The following TEX14 variants were observed in gnomAD, a reference collection of about 807,000 sequenced individuals.
TEX14 encodes inactive serine/threonine-protein kinase TEX14.
A neutral mutation model predicts 178.6 loss-of-function variants in TEX14; 168 were observed. The observed-to-expected ratio is 0.94, with a 90% CI of 0.83 to 1.07. The LOEUF (loss-of-function observed/expected upper bound fraction) is 1.07. Among genes scored for constraint, TEX14 ranks in the 50% least tolerant of loss-of-function variants. TEX14 has a pLI of 0.00. For missense variants in TEX14, 1,730 were observed against 1,753.6 expected (o/e 0.99, Z 0.24); for synonymous variants, 626 against 634.1 (o/e 0.99, Z 0.19).
intron 6 of TEX14, 38 bp from the exon 7 acceptor site, chr17:58,616,343 G>C (rs2045872739): frequency 1.9e-6 from 3 of 1,601,202 alleles, no homozygotes; most frequent in South Asian, 1.1e-5. Context: ...TGGGGAGAAG[G>C]GGGGAAAAGC....
rs1420938347 is a variant in TEX14, at chr17:58,616,097, C to T, written c.767+78G>A. 2.0e-6 allele frequency: 3 copies of T among 1,470,942 alleles called. No individual in the cohort carries two copies. In the African/African-American group the frequency reaches 4.2e-5, roughly 21 times the overall value. 91.1% of individuals were successfully genotyped at this position (1,470,942 alleles called of 1,614,324 possible). A position where few individuals can be genotyped will look rare whatever the true frequency, so the allele number is the denominator to read the frequency against. ...TCCCTGTGTTTGAGTAGAAACTCCC[C>T]ACACATAAGGAAGTCACATGCAGCC... is the stretch of plus-strand genomic sequence containing the variant. On this transcript the variant is annotated intron_variant, in intron 7 of 31. Transcript: ENST00000349033.
chr17:58,588,477 A>G (rs2045037732), intron 15 of TEX14, among the ~76,000 whole-genome samples: 1 of 151,804 alleles, frequency 6.6e-6, no homozygotes, highest in African/African-American at 2.4e-5. Flanking sequence ...TATTTTTAGT[A>G]GAAAATTATG....
chr17:58,647,941 A>C (rs2046750865), intron 2 of TEX14: 1 of 152,214 alleles, frequency 6.6e-6, no homozygotes, highest in Admixed American at 6.6e-5. Context: ...CAAGTGATCC[A>C]CCCACCTAGG....
chr17:58,574,568 C>T (rs1475482335), intron 21 of TEX14, among the ~76,000 whole-genome samples: 5 of 143,492 alleles, frequency 3.5e-5, no homozygotes, highest in South Asian at 2.3e-4. Flanking sequence ...TCCAGCTACT[C>T]GGGAGGCTGA....
intron 2 of TEX14, among the ~76,000 whole-genome samples, chr17:58,647,341 C>T (rs1036253210): frequency 6.6e-6 from 1 of 151,708 alleles, no homozygotes; most frequent in South Asian, 2.1e-4. Context: ...ACCATGCTGG[C>T]TAACACGGTG....
In TEX14 at chr17:58,569,254, G is replaced by A. The variant is rs145643630; in HGVS notation, c.3824C>T (p.Ala1275Val). 153 of 1,613,764 alleles carry A rather than the reference G, an allele frequency of 9.5e-5. No homozygotes were observed. The highest frequency in any genetic ancestry group is 7.7e-4 in the Admixed American group (46 of 60,004). ...CTCATCAATGTGATGCTGTGAGAAGGCTTCTACTAGTTTTTAAAAAAGACA... is the reference window on the plus strand; with the variant it reads ...CTCATCAATGTGATGCTGTGAGAAGACTTCTACTAGTTTTTAAAAAAGACA... ...TQRRSLPKVEAFSQHHIDELP... is the reference protein window; with the variant it reads ...TQRRSLPKVEVFSQHHIDELP... The change falls in exon 26 of 32, where the codon GCC becomes GTC. Residue 1275 changes from alanine to valine, a missense_variant. Physicochemically the swap from Ala to Val is moderately conservative, Grantham distance 64 (BLOSUM62 0). Around this residue, in one of 2 missense-constraint regions of TEX14, gnomAD observed 941 missense variants for 1,072.4 expected, o/e 0.88. Transcript: ENST00000349033. The surrounding 1 kb of genome is among the most constrained non-coding windows in gnomAD (Gnocchi z 4.1).
intron 1 of TEX14, chr17:58,659,277 A>G (rs1042639189): frequency 7.1e-5 from 65 of 913,480 alleles, no homozygotes; most frequent in Non-Finnish European, 8.4e-5. Flanking sequence ...ATCAGGACCA[A>G]CAGCGTCTCT....
intron 2 of TEX14, among the ~76,000 whole-genome samples, chr17:58,634,215 C>A (rs2144591045): frequency 6.6e-6 from 1 of 152,000 alleles, no homozygotes; most frequent in Non-Finnish European, 1.5e-5. Context: ...GAGTTCAAGA[C>A]CAGCTTGGCC....
At chr17:58,690,147 GT>G (rs940472537) in intron 1 of TEX14, among the ~76,000 whole-genome samples, 4 of 150,228 alleles carry the variant, frequency 2.7e-5, no homozygotes, top group African/African-American at 9.8e-5. Context: ...TTGAGTGGGG[GT>G]TTTTTTGTTT....
rs71367606 is a variant in TEX14, at chr17:58,619,796, CAAA to C, written c.554+1851_554+1853del. Among the ~76,000 whole-genome samples, 10 of 73,814 alleles carry C rather than the reference CAAA, an allele frequency of 1.4e-4. 1 individual carries two copies. Among genetic ancestry groups the C allele is most frequent in the Non-Finnish European group, 1.8e-4 (7 of 38,840 alleles). 48.4% of individuals were successfully genotyped at this position (73,814 alleles called of 152,430 possible). A position where few individuals can be genotyped will look rare whatever the true frequency, so the allele number is the denominator to read the frequency against. On this transcript the variant is annotated intron_variant, in intron 5 of 31. Coordinates refer to ENST00000349033, the MANE Select transcript of TEX14 (RefSeq NM_031272.5). ...CTGGGCGACAGAGAAGACTCAGTCT[CAAA>C]AAAAAAAAAAAAAAAAAGGTGGGGG... is the stretch of plus-strand genomic sequence containing the variant.
chr17:58,619,622 C>G (rs1026035440), intron 5 of TEX14, among the ~76,000 whole-genome samples: 6 of 151,828 alleles, frequency 4.0e-5, no homozygotes, highest in African/African-American at 1.5e-4. Flanking sequence ...AGCCTGGCCA[C>G]GGTGAAACCC....
At chr17:58,683,465 A>T (rs1376745352) in intron 1 of TEX14, among the ~76,000 whole-genome samples, 1 of 151,608 alleles carries the variant, frequency 6.6e-6, no homozygotes, top group Non-Finnish European at 1.5e-5. Flanking sequence ...TAGATTATTT[A>T]AAAAGAGACA....
intron 1 of TEX14, among the ~76,000 whole-genome samples, chr17:58,689,733 T>TAA (rs2047659984): frequency 6.6e-6 from 1 of 152,122 alleles, no homozygotes; most frequent in East Asian, 1.9e-4. Flanking sequence ...TAGTTCCTAG[T>TAA]GCGTGGTTTC....
intron 1 of TEX14, among the ~76,000 whole-genome samples, chr17:58,652,699 G>A (rs192929360): frequency 6.1e-4 from 93 of 152,216 alleles, no homozygotes; most frequent in Middle Eastern, 3.4e-3. Flanking sequence ...CTAAATACAC[G>A]TTTATTGTGT....
intron 1 of TEX14, among the ~76,000 whole-genome samples, chr17:58,665,076 G>A (rs967889745): frequency 6.6e-6 from 1 of 152,146 alleles, no homozygotes; most frequent in Non-Finnish European, 1.5e-5. Context: ...TTAAGTTAGA[G>A]CACTGCTTGT....
At chr17:58,659,263 C>T (rs991982619) in intron 1 of TEX14, 5 of 829,228 alleles carry the variant, frequency 6.0e-6, no homozygotes, top group African/African-American at 5.6e-5. Flanking sequence ...AAGAAAAACA[C>T]TTTATCAGGA....
At chr17:58,636,182 C>A (rs1431831095) in intron 2 of TEX14, among the ~76,000 whole-genome samples, 1 of 152,122 alleles carries the variant, frequency 6.6e-6, no homozygotes, top group Non-Finnish European at 1.5e-5. Flanking sequence ...TGGAGACTTC[C>A]TAATAAAAAA....
chr17:58,611,682 C>T (rs897478734), intron 9 of TEX14, among the ~76,000 whole-genome samples: 2 of 152,202 alleles, frequency 1.3e-5, no homozygotes, highest in Admixed American at 6.5e-5. Flanking sequence ...CCTGCCCTGT[C>T]GCCTCCCTGT....
intron 28 of TEX14, among the ~76,000 whole-genome samples, chr17:58,563,839 C>G (rs7359501): frequency 1.3e-5 from 2 of 148,198 alleles, no homozygotes; most frequent in African/African-American, 2.5e-5. Context: ...CACACACAGA[C>G]GGCAAAGAAC....
Sources: allele counts gnomAD v4.1 joint callset (sites outside exome capture counted in the v4.1 genomes callset), GRCh38; gene constraint gnomAD v4.1.1; regional missense constraint gnomAD v4.1.1; non-coding constraint Gnocchi (gnomAD v3.1); transcripts MANE v1.5; gene names NCBI Gene and HGNC (gene_info 2026-07-23, HGNC 2026-07-21).